The following CNTN5 variants were observed in gnomAD, a reference collection of about 807,000 sequenced individuals.
CNTN5 encodes the protein contactin 5.
A neutral mutation model predicts 129.1 loss-of-function variants in CNTN5; 77 were observed. The ratio of observed to expected loss-of-function variants is 0.60; its 90% confidence interval spans 0.50 to 0.72. CNTN5 has a LOEUF of 0.72. CNTN5 is among the 30% of genes least tolerant of loss of function. The pLI, the probability that CNTN5 is intolerant of heterozygous loss-of-function variation, is 0.00. For synonymous variants in CNTN5, 509 were observed against 465.6 expected (o/e 1.09, Z -1.20); for missense variants, 1,478 against 1,328.8 (o/e 1.11, Z -1.75).
intron 24 of CNTN5, among the ~76,000 whole-genome samples, chr11:100,353,651 A>G (rs180703427): frequency 2.9e-4 from 44 of 151,734 alleles, no homozygotes; most frequent in Non-Finnish European, 4.1e-4. Flanking sequence ...CGCCTTTCTT[A>G]TAGCTCACAA....
intron 1 of CNTN5, among the ~76,000 whole-genome samples, chr11:99,057,016 A>T (rs1864650894): frequency 6.6e-6 from 1 of 152,036 alleles, no homozygotes. Context: ...AATTATGGAC[A>T]CTACCTGTAG....
chr11:99,851,995 C>A lies in CNTN5; in HGVS notation c.577+6733C>A, dbSNP rs563081140. Reference sequence around the variant, plus strand: ...CCACAGTATATGCAAAGCTTTATTTCATTAGTCTCTGAGGCTTAGCCTATA... The same window carrying A: ...CCACAGTATATGCAAAGCTTTATTTAATTAGTCTCTGAGGCTTAGCCTATA... On this transcript the variant is annotated intron_variant, in intron 6 of 24. Coordinates refer to ENST00000524871, the MANE Select transcript of CNTN5 (RefSeq NM_014361.4). 3.0e-4 allele frequency among the ~76,000 whole-genome samples: 46 copies of A among 152,216 alleles called. 1 individual carries two copies. Among genetic ancestry groups the A allele is most frequent in the African/African-American group, 1.0e-3 (43 of 41,542 alleles).
chr11:100,127,468 T>C (rs1374296009), intron 13 of CNTN5, among the ~76,000 whole-genome samples: 2 of 151,976 alleles, frequency 1.3e-5, no homozygotes, highest in African/African-American at 2.4e-5. Context: ...GTTAGTAATA[T>C]AATTGTATAG....
intron 5 of CNTN5, 21 bp downstream of exon 5, chr11:99,844,996 A>G (rs563292541): frequency 2.5e-6 from 4 of 1,612,080 alleles, no homozygotes; most frequent in Middle Eastern, 1.7e-4. Context: ...ACTGTTAATC[A>G]TTTTTCTTAA....
At chr11:99,614,137 T>G (rs1591363044) in intron 3 of CNTN5, among the ~76,000 whole-genome samples, 1 of 152,220 alleles carries the variant, frequency 6.6e-6, no homozygotes, top group African/African-American at 2.4e-5. Flanking sequence ...CTTTAATCAT[T>G]TTTTATCCAA....
chr11:100,303,643 T>G (rs1951282241), intron 20 of CNTN5, among the ~76,000 whole-genome samples: 1 of 151,614 alleles, frequency 6.6e-6, no homozygotes, highest in South Asian at 2.1e-4. Flanking sequence ...TGCTCATATA[T>G]TTATTAAACC....
intron 9 of CNTN5, among the ~76,000 whole-genome samples, chr11:100,051,421 G>A (rs912906308): frequency 2.6e-5 from 4 of 151,890 alleles, no homozygotes; most frequent in Non-Finnish European, 5.9e-5. Context: ...AATCACAAAA[G>A]AAAGTAGAAA....
chr11:99,635,879 T>G (rs1020783632), intron 3 of CNTN5, among the ~76,000 whole-genome samples: 1 of 152,144 alleles, frequency 6.6e-6, no homozygotes, highest in African/African-American at 2.4e-5. Flanking sequence ...GGAAAAAATT[T>G]CCCAAGTGGT....
rs550542436 is a variant in CNTN5, at chr11:99,781,916, G to C, written c.56-37628G>C. ...GAAGCATTCTCTTTGAAAACTGGCA[G>C]AAGACAGGGATGCCCTCTCTCACCA... On this transcript the variant is annotated intron_variant, in intron 3 of 24. Transcript: ENST00000524871. Among the ~76,000 whole-genome samples, 47 of 152,130 alleles carry C rather than the reference G, an allele frequency of 3.1e-4. No homozygotes were observed. In the South Asian group the frequency reaches 7.5e-3, roughly 24 times the overall value.
chr11:99,051,566 A>C (rs940686768), intron 1 of CNTN5, among the ~76,000 whole-genome samples: 1 of 151,956 alleles, frequency 6.6e-6, no homozygotes, highest in Non-Finnish European at 1.5e-5. Context: ...TTACTTCAAC[A>C]GTCAACAGCA....
At chr11:99,703,223 TG>T (rs1400282899) in intron 3 of CNTN5, among the ~76,000 whole-genome samples, 2,627 of 140,258 alleles carry the variant, frequency 0.019, 80 homozygotes, top group African/African-American at 0.065. Flanking sequence ...CAAAGGTATT[TG>T]GGGTTTTTTT....
chr11:100,288,532 C>A (rs1347338027), intron 18 of CNTN5, among the ~76,000 whole-genome samples: 1 of 152,074 alleles, frequency 6.6e-6, no homozygotes, highest in Non-Finnish European at 1.5e-5. Context: ...GAAATGAAGG[C>A]AGAAATAAAG....
At chr11:99,072,671 C>G (rs1865387128) in intron 1 of CNTN5, among the ~76,000 whole-genome samples, 1 of 151,970 alleles carries the variant, frequency 6.6e-6, no homozygotes, top group Non-Finnish European at 1.5e-5. Flanking sequence ...TTATTATATG[C>G]TTACTGAATC....
chr11:99,991,488 AAAC>A (rs1188643058), intron 8 of CNTN5, among the ~76,000 whole-genome samples: 1 of 152,032 alleles, frequency 6.6e-6, no homozygotes, highest in Non-Finnish European at 1.5e-5. Context: ...ACAAACAAAC[AAAC>A]AAAAGACAAA....
At chr11:99,788,217 T>G (rs1383781877) in intron 3 of CNTN5, among the ~76,000 whole-genome samples, 3 of 151,994 alleles carry the variant, frequency 2.0e-5, no homozygotes, top group Admixed American at 6.6e-5. Context: ...CTTCAACATC[T>G]TCCTCTCTGA....
intron 6 of CNTN5, among the ~76,000 whole-genome samples, chr11:99,902,109 A>G (rs1949372699): frequency 6.6e-6 from 1 of 152,200 alleles, no homozygotes; most frequent in Admixed American, 6.6e-5. Context: ...CCACAATGAC[A>G]TGAACTGGCA....
intron 21 of CNTN5, among the ~76,000 whole-genome samples, chr11:100,327,323 C>T (rs548976829): frequency 6.4e-4 from 97 of 152,166 alleles, no homozygotes; most frequent in Non-Finnish European, 1.0e-3. Context: ...GCACCACACA[C>T]GGATCACCCT....
At chr11:99,831,612 A>T (rs376559829) in intron 4 of CNTN5, among the ~76,000 whole-genome samples, 14 of 151,024 alleles carry the variant, frequency 9.3e-5, no homozygotes, top group African/African-American at 3.4e-4. Context: ...CAGTGACCAT[A>T]ACTTTTTTTT....
intron 15 of CNTN5, among the ~76,000 whole-genome samples, chr11:100,203,281 T>C (rs1948827776): frequency 6.6e-6 from 1 of 152,050 alleles, no homozygotes; most frequent in Non-Finnish European, 1.5e-5. Context: ...TTTCATTTTA[T>C]GGTATGTGAA....
Sources: allele counts gnomAD v4.1 joint callset (sites outside exome capture counted in the v4.1 genomes callset), GRCh38; gene constraint gnomAD v4.1.1; transcripts MANE v1.5; gene names NCBI Gene and HGNC (gene_info 2026-07-23, HGNC 2026-07-21).